Variants in RBM44 observed in about 807,000 individuals in gnomAD.
RBM44 encodes the protein RNA-binding protein 44.
Under a neutral mutation model 105.1 loss-of-function variants are expected in RBM44, and 66 were observed. That is an observed-to-expected ratio of 0.63 (90% CI 0.52 to 0.77). The LOEUF (loss-of-function observed/expected upper bound fraction) is 0.77. RBM44 is among the 30% of genes least tolerant of loss of function. The probability of loss-of-function intolerance (pLI) is 0.00; values close to 1 mark genes in which losing one functional copy is unlikely to be tolerated. For synonymous variants in RBM44, 365 were observed against 417.6 expected (o/e 0.87, Z 1.54); for missense variants, 1,122 against 1,207.8 (o/e 0.93, Z 1.05).
intron 1 of RBM44, among the ~76,000 whole-genome samples, chr2:237,808,472 A>G (rs1339575751): frequency 6.6e-6 from 1 of 150,394 alleles, no homozygotes; most frequent in Non-Finnish European, 1.5e-5. Flanking sequence ...CCCCAAAAAA[A>G]GCATAACAGA....
intron 1 of RBM44, among the ~76,000 whole-genome samples, chr2:237,805,468 A>G (rs114359962): frequency 1.3e-5 from 2 of 152,352 alleles, no homozygotes; most frequent in Non-Finnish European, 2.9e-5. Context: ...ATTATTTTTC[A>G]CACAATTAGA....
At chr2:237,833,963 T>C (rs1412130591) in intron 13 of RBM44, 34 bp from the exon 14 acceptor site, 1 of 1,356,352 alleles carries the variant, frequency 7.4e-7, no homozygotes. Context: ...TGGTCCTTAC[T>C]GATTTTAAGA....
Position 237,841,263 on chromosome 2 carries a change from T to C in RBM44, c.*23-576T>C, listed in dbSNP as rs192590238. Among the ~76,000 whole-genome samples the C allele has an allele frequency of 2.4e-3, 364 of 152,346 alleles. 1 individual carries two copies. The highest frequency in any genetic ancestry group is 4.1e-3 in the Non-Finnish European group (277 of 68,026). On this transcript the variant is annotated intron_variant, in intron 15 of 15. Coordinates refer to ENST00000316997, the MANE Select transcript of RBM44 (RefSeq NM_001080504.3). This position sits in a 1 kb window ranked among gnomAD's most constrained non-coding sequence, Gnocchi z 4.5. The stretch of plus-strand genomic sequence containing the variant: ...TAAAAAAGAATGAGATGATGTGCTT[T>C]GCAGCAGTATGGATGGAGCTAGAGG...
chr2:237,812,191 A>G (rs1427999274), intron 1 of RBM44, among the ~76,000 whole-genome samples: 1 of 152,236 alleles, frequency 6.6e-6, no homozygotes, highest in Non-Finnish European at 1.5e-5. Flanking sequence ...TTTTAAAAGA[A>G]TAGCTCTCCA....
chr2:237,806,502 C>T (rs1364898410), intron 1 of RBM44, among the ~76,000 whole-genome samples: 1 of 152,060 alleles, frequency 6.6e-6, no homozygotes, highest in Non-Finnish European at 1.5e-5. Flanking sequence ...AGAAAGGAAA[C>T]ACCCAGCGTG....
chr2:237,807,014 T>A (rs531694942), intron 1 of RBM44, among the ~76,000 whole-genome samples: 9 of 152,228 alleles, frequency 5.9e-5, no homozygotes, highest in Admixed American at 2.6e-4. Context: ...GCTAAACGTA[T>A]CATTTTAATA....
intron 13 of RBM44, among the ~76,000 whole-genome samples, chr2:237,833,352 A>G (rs572600752): frequency 6.6e-6 from 1 of 152,272 alleles, no homozygotes; most frequent in South Asian, 2.1e-4. Flanking sequence ...TGGGATTTAC[A>G]GTGGTTTTCT....
chr2:237,814,655 A>AT (rs2061695123), intron 2 of RBM44, among the ~76,000 whole-genome samples: 1 of 152,178 alleles, frequency 6.6e-6, no homozygotes, highest in East Asian at 1.9e-4. Flanking sequence ...AAAAGATAAT[A>AT]GGTTAGTGGA....
chr2:237,820,389 G>A (rs865842043), intron 5 of RBM44, 38 bp downstream of exon 5: 4 of 1,267,494 alleles, frequency 3.2e-6, no homozygotes, highest in South Asian at 1.4e-5. Flanking sequence ...TCTTAGAAAT[G>A]TGTCACTAGC....
chr2:237,811,722 T>C (rs908857203), intron 1 of RBM44, among the ~76,000 whole-genome samples: 1 of 152,186 alleles, frequency 6.6e-6, no homozygotes, highest in African/African-American at 2.4e-5. Context: ...CTATTTTTGT[T>C]AAATTTTAAA....
intron 15 of RBM44, among the ~76,000 whole-genome samples, chr2:237,840,306 A>G (rs1267166870): frequency 1.3e-5 from 2 of 152,120 alleles, no homozygotes; most frequent in African/African-American, 4.8e-5. Context: ...CAACAAAAAC[A>G]AGCAATGGAG....
intron 10 of RBM44, among the ~76,000 whole-genome samples, chr2:237,826,454 A>G (rs1023369976): frequency 6.6e-6 from 1 of 152,158 alleles, no homozygotes; most frequent in African/African-American, 2.4e-5. Context: ...CATGCTGTCT[A>G]ACTCAAGTTG....
At chr2:237,840,186 T>G (rs137981613) in intron 15 of RBM44, among the ~76,000 whole-genome samples, 3,009 of 51,722 alleles carry the variant, frequency 0.058, 140 homozygotes, top group African/African-American at 0.2. Flanking sequence ...AGACTCTATC[T>G]CAAAAAAAAA....
chr2:237,813,895 G>A (rs547341670), intron 2 of RBM44, among the ~76,000 whole-genome samples: 1 of 152,284 alleles, frequency 6.6e-6, no homozygotes, highest in Admixed American at 6.5e-5. Context: ...AAGGGAAAGT[G>A]AGCAGGAAGA....
At chr2:237,805,547 C>T (rs1454120078) in intron 1 of RBM44, among the ~76,000 whole-genome samples, 1 of 152,106 alleles carries the variant, frequency 6.6e-6, no homozygotes, top group Non-Finnish European at 1.5e-5. Flanking sequence ...GAGAAGGACT[C>T]CCTTATTCAA....
intron 13 of RBM44, 46 bp from the exon 14 acceptor site, chr2:237,833,951 A>G (rs2061929059): frequency 9.1e-7 from 1 of 1,099,530 alleles, no homozygotes; most frequent in Non-Finnish European, 1.2e-6. Flanking sequence ...ATCTTTATGT[A>G]ATGGTCCTTA....
Position 237,820,270 on chromosome 2 carries a change from T to C in RBM44, c.1832T>C (p.Leu611Ser), listed in dbSNP as rs1185290566. 5 of 1,603,246 alleles carry C rather than the reference T, an allele frequency of 3.1e-6. No individual in the cohort carries two copies. The highest frequency in any genetic ancestry group is 3.4e-6 in the Non-Finnish European group (4 of 1,173,632). Residue 611 changes from leucine (L) to serine (S), a missense_variant, in exon 5 of 16, where the codon TTA (leucine) becomes TCA (serine). Coordinates refer to ENST00000316997, the MANE Select transcript of RBM44 (RefSeq NM_001080504.3). Reference sequence around the variant, plus strand: ...GCCATAAAAGCAGAGCTGCACCTTTTAAATGTTCACTATCAGATGTGTCGT... The same window carrying C: ...GCCATAAAAGCAGAGCTGCACCTTTCAAATGTTCACTATCAGATGTGTCGT... Reference protein sequence around the residue: ...QRAIKAELHLLNVHYQMCRRH... With the variant: ...QRAIKAELHLSNVHYQMCRRH...
Position 237,824,469 on chromosome 2 carries a change from A to C in RBM44, c.2449+50A>C, listed in dbSNP as rs1335330701. The C allele has an allele frequency of 2.0e-6, 3 of 1,500,586 alleles. No homozygotes were observed. In the African/African-American group the frequency reaches 4.2e-5, roughly 21 times the overall value. The allele number at this position is 1,500,586 out of a possible 1,614,324, so 93.0% of individuals were successfully genotyped here. On this transcript the variant is annotated intron_variant, in intron 10 of 15. Transcript: ENST00000316997. ...AAATCCTAACCTAGATCATTTGTAAAATAGTGCTTACCTGCTTCTGTGTTG... is the reference window on the plus strand; with the variant it reads ...AAATCCTAACCTAGATCATTTGTAACATAGTGCTTACCTGCTTCTGTGTTG...
chr2:237,824,332 G>C lies in RBM44; in HGVS notation c.2362G>C (p.Ala788Pro), dbSNP rs763047779. Reference protein sequence around the residue: ...YQETSEDWSDAKESLTGVDVS... With the variant: ...YQETSEDWSDPKESLTGVDVS... Reference sequence around the variant, plus strand: ...AGAGACAAGCGAAGACTGGTCTGATGCTAAAGAGAGCCTGACAGGAGTTGA... The same window carrying C: ...AGAGACAAGCGAAGACTGGTCTGATCCTAAAGAGAGCCTGACAGGAGTTGA... The change falls in exon 10 of 16, where the codon GCT (alanine) becomes CCT (proline). Residue 788 changes from alanine (A) to proline (P), a missense_variant. Ala to Pro is a conservative substitution (Grantham distance 27). Around this residue, in one of 3 missense-constraint regions of RBM44, gnomAD observed 918 missense variants for 955.3 expected, o/e 0.96. Coordinates refer to ENST00000316997, the MANE Select transcript of RBM44 (RefSeq NM_001080504.3). 6.2e-7 allele frequency: 1 copy of C among 1,613,114 alleles called. No homozygotes were observed. Among genetic ancestry groups the C allele is most frequent in the Admixed American group, 1.7e-5 (1 of 59,952 alleles).
Sources: allele counts gnomAD v4.1 joint callset (sites outside exome capture counted in the v4.1 genomes callset), GRCh38; gene constraint gnomAD v4.1.1; regional missense constraint gnomAD v4.1.1; non-coding constraint Gnocchi (gnomAD v3.1); transcripts MANE v1.5; gene names NCBI Gene and HGNC (gene_info 2026-07-23, HGNC 2026-07-21).